Variants in PPIP5K2 observed in about 807,000 individuals in gnomAD.
The protein encoded by PPIP5K2 is diphosphoinositol pentakisphosphate kinase 2.
A neutral mutation model predicts 154.6 loss-of-function variants in PPIP5K2; 105 were observed. The observed-to-expected ratio is 0.68, with a 90% CI of 0.58 to 0.80. PPIP5K2 has a LOEUF of 0.80. PPIP5K2 is among the 30% of genes least tolerant of loss of function. The pLI is 0.00. For missense variants in PPIP5K2, 992 were observed against 1,504.6 expected (o/e 0.66, Z 5.64); for synonymous variants, 480 against 490.3 (o/e 0.98, Z 0.28).
rs546841388 is a variant in PPIP5K2 at position 103,158,183 on chromosome 5, C to A, written c.1490-5C>A. 2.5e-6 allele frequency: 4 copies of A among 1,611,876 alleles called. No homozygotes were observed. Among genetic ancestry groups the A allele is most frequent in the Non-Finnish European group, 3.4e-6 (4 of 1,178,186 alleles). ...ATTTGTTTTATTCATTCATATGTGT[C>A]ATAGACAGCCGAAGAGAAGAACCAT... On this transcript the variant is annotated splice_region_variant and splice_polypyrimidine_tract_variant and intron_variant, in intron 14 of 30. Coordinates refer to ENST00000358359, the MANE Select transcript of PPIP5K2 (RefSeq NM_001276277.3).
chr5:103,171,915 A>G (rs1261817158), intron 19 of PPIP5K2, among the ~76,000 whole-genome samples: 1 of 151,536 alleles, frequency 6.6e-6, no homozygotes, highest in Admixed American at 6.6e-5. Flanking sequence ...ATTATTCCCA[A>G]TGTCTGAGTG....
chr5:103,121,361 G>T (rs1473732645), intron 1 of PPIP5K2, among the ~76,000 whole-genome samples: 1 of 152,160 alleles, frequency 6.6e-6, no homozygotes, highest in African/African-American at 2.4e-5. Context: ...CAGGAGGTAT[G>T]TTAGATTATT....
chr5:103,150,869 TTAACA>T (rs1166347732), intron 8 of PPIP5K2, among the ~76,000 whole-genome samples: 1 of 104,610 alleles, frequency 9.6e-6, no homozygotes, highest in African/African-American at 3.4e-5. Flanking sequence ...TTTTTTTTTA[TTAACA>T]TGGTGTAATT....
intron 19 of PPIP5K2, among the ~76,000 whole-genome samples, chr5:103,170,274 G>A (rs1797778000): frequency 1.3e-5 from 2 of 151,492 alleles, no homozygotes; most frequent in African/African-American, 2.4e-5. Context: ...CTAAAGATTA[G>A]TATGTTACGA....
At chr5:103,120,662 C>T in intron 1 of PPIP5K2, 174 bp downstream of exon 1, 1 of 317,750 alleles carries the variant, frequency 3.1e-6, no homozygotes, top group South Asian at 2.3e-5. Context: ...GACAGTACAG[C>T]TTTGAGGGTC....
intron 26 of PPIP5K2, among the ~76,000 whole-genome samples, chr5:103,185,748 A>G (rs1283826404): frequency 6.6e-6 from 1 of 152,122 alleles, no homozygotes; most frequent in Non-Finnish European, 1.5e-5. Flanking sequence ...AAGTATTTAA[A>G]GTGATTTAGG....
intron 28 of PPIP5K2, chr5:103,189,299 C>A: frequency 8.4e-7 from 1 of 1,187,368 alleles, no homozygotes; most frequent in Non-Finnish European, 1.2e-6. Context: ...TTTCATTGTG[C>A]ATTAAAGGAA....
chr5:103,179,744 T>C (rs950406692), intron 23 of PPIP5K2, among the ~76,000 whole-genome samples: 6 of 152,140 alleles, frequency 3.9e-5, no homozygotes, highest in African/African-American at 1.4e-4. Context: ...TGAAATGTAA[T>C]TAAACGCTTT....
intron 21 of PPIP5K2, among the ~76,000 whole-genome samples, chr5:103,177,119 G>A (rs995341345): frequency 6.6e-6 from 1 of 151,410 alleles, no homozygotes; most frequent in African/African-American, 2.4e-5. Flanking sequence ...AGTTAAAAAC[G>A]GTCTCTTACC....
intron 17 of PPIP5K2, among the ~76,000 whole-genome samples, chr5:103,164,913 T>A (rs1796907547): frequency 1.3e-5 from 2 of 152,120 alleles, no homozygotes; most frequent in African/African-American, 4.8e-5. Context: ...TACAAAGGCA[T>A]AACAGGATAG....
At chr5:103,194,823 A>G in intron 29 of PPIP5K2, 77 bp from the exon 30 acceptor site, 1 of 1,479,870 alleles carries the variant, frequency 6.8e-7, no homozygotes. Flanking sequence ...TCACTAAATT[A>G]TAAGAAACTT....
In PPIP5K2 at chr5:103,186,404, A is replaced by G. The variant is rs782385538; in HGVS notation, c.3254A>G (p.His1085Arg). Residue 1085 changes from histidine to arginine, a missense_variant, in exon 27 of 31, where the codon CAT becomes CGT. This residue lies in a region of PPIP5K2 where 204 missense variants were observed against 224.0 expected (regional missense o/e 0.91). Coordinates refer to ENST00000358359, the MANE Select transcript of PPIP5K2 (RefSeq NM_001276277.3). Reference sequence around the variant, plus strand: ...AACCTACAGGATTATGCTCGTACTCATCGTAAAAAGCTGACCTCTTCTGGC... The same window carrying G: ...AACCTACAGGATTATGCTCGTACTCGTCGTAAAAAGCTGACCTCTTCTGGC... ...APNLQDYARTHRKKLTSSGCI... is the reference protein window; with the variant it reads ...APNLQDYARTRRKKLTSSGCI... 2 of 1,613,816 alleles carry G rather than the reference A, an allele frequency of 1.2e-6. No individual in the cohort carries two copies. The highest frequency in any genetic ancestry group is 1.1e-5 in the South Asian group (1 of 91,080).
At position 103,148,439 on chromosome 5, in the gene PPIP5K2, T is replaced by C. The variant is rs7705149; in HGVS notation, c.744+407T>C. The C allele has an allele frequency of 3.3e-3, 642 of 194,788 alleles. 6 individuals are homozygous for C. Among genetic ancestry groups the C allele is most frequent in the African/African-American group, 0.013 (560 of 42,012 alleles). The allele number at this position is 194,788 out of a possible 1,614,324, so 12.1% of individuals were successfully genotyped here. A position where few individuals can be genotyped will look rare whatever the true frequency, so the allele number is the denominator to read the frequency against. ...GAGATCTGTGACAACTGTGATGTGA[T>C]ATAAAACATGTCTGTCATTTTAGTT... On this transcript the variant is annotated intron_variant, in intron 7 of 30. Coordinates refer to ENST00000358359, the MANE Select transcript of PPIP5K2 (RefSeq NM_001276277.3).
intron 30 of PPIP5K2, among the ~76,000 whole-genome samples, chr5:103,199,724 G>T (rs370903561): frequency 8.6e-5 from 13 of 151,442 alleles, no homozygotes; most frequent in Non-Finnish European, 1.5e-4. Context: ...TTTTCATTCT[G>T]TTGTTAAACC....
intron 5 of PPIP5K2, among the ~76,000 whole-genome samples, chr5:103,139,694 T>C (rs1303679039): frequency 6.6e-6 from 1 of 152,122 alleles, no homozygotes; most frequent in Non-Finnish European, 1.5e-5. Flanking sequence ...AAGGTACCAG[T>C]TACCAATCCT....
intron 10 of PPIP5K2, among the ~76,000 whole-genome samples, chr5:103,153,421 G>T (rs1166813436): frequency 6.6e-6 from 1 of 151,494 alleles, no homozygotes; most frequent in Non-Finnish European, 1.5e-5. Flanking sequence ...GTAAATACTT[G>T]TTCTCCTTAC....
Position 103,136,641 on chromosome 5 carries a change from C to G in PPIP5K2, c.311-91C>G, listed in dbSNP as rs181528527. The G allele has an allele frequency of 2.1e-4, 199 of 948,204 alleles. No individual in the cohort carries two copies. In the African/African-American group the frequency reaches 2.6e-3, roughly 12 times the overall value. The allele number at this position is 948,204 out of a possible 1,614,324, so 58.7% of individuals were successfully genotyped here. On this transcript the variant is annotated intron_variant, in intron 3 of 30. Coordinates refer to ENST00000358359, the MANE Select transcript of PPIP5K2 (RefSeq NM_001276277.3). ...GGTGTTATGTGTTAATGAAATGAAT[C>G]TTTTATGGGAGGTGGCATCAATTCA...
intron 1 of PPIP5K2, among the ~76,000 whole-genome samples, chr5:103,127,519 A>C (rs925370093): frequency 6.6e-6 from 1 of 152,230 alleles, no homozygotes; most frequent in Non-Finnish European, 1.5e-5. Flanking sequence ...TTGGATAACT[A>C]TATTCATTTC....
At chr5:103,130,497 C>T (rs1028289170) in intron 2 of PPIP5K2, among the ~76,000 whole-genome samples, 4 of 151,902 alleles carry the variant, frequency 2.6e-5, no homozygotes, top group African/African-American at 9.7e-5. Context: ...AAAAACAAAC[C>T]AAAAATATTG....
Sources: allele counts gnomAD v4.1 joint callset (sites outside exome capture counted in the v4.1 genomes callset), GRCh38; gene constraint gnomAD v4.1.1; regional missense constraint gnomAD v4.1.1; transcripts MANE v1.5; gene names NCBI Gene and HGNC (gene_info 2026-07-23, HGNC 2026-07-21).